Variants in AP3B1 observed in about 807,000 individuals in gnomAD.
The protein encoded by AP3B1 is AP-3 complex subunit beta-1.
AP3B1 carries 61 observed loss-of-function variants against 132.5 expected under a neutral mutation model. That is an observed-to-expected ratio of 0.46 (90% CI 0.37 to 0.57). AP3B1 has a LOEUF of 0.57. Among genes scored for constraint, AP3B1 ranks in the 20% least tolerant of loss-of-function variants. AP3B1 has a pLI of 0.00. For missense variants in AP3B1, 1,120 were observed against 1,289.4 expected, an observed-to-expected ratio of 0.87 and a Z score of 2.01; for synonymous variants, 388 against 438.3, an observed-to-expected ratio of 0.89 and a Z score of 1.43.
At chr5:78,078,873 C>A (rs752311326) in intron 22 of AP3B1, among the ~76,000 whole-genome samples, 1 of 152,206 alleles carries the variant, frequency 6.6e-6, no homozygotes, top group Non-Finnish European at 1.5e-5. Context: ...TTTCAGTCTG[C>A]ATGTATGTTA....
In AP3B1 at chr5:78,179,209, G is replaced by T. The variant is rs1448613468; in HGVS notation, c.943-1773C>A. Among the ~76,000 whole-genome samples the T allele has an allele frequency of 2.6e-5, 4 of 152,252 alleles. No individual in the cohort carries two copies. In the East Asian group the frequency reaches 7.7e-4, roughly 29 times the overall value. On this transcript the variant is annotated intron_variant, in intron 8 of 26. Coordinates refer to ENST00000255194, the MANE Select transcript of AP3B1 (RefSeq NM_003664.5). ...ACCTGGCTAATAAGTATTAGTAAATGATAGAAAAGAAAGCTGAATCTTAAT... is the reference window on the plus strand; with the variant it reads ...ACCTGGCTAATAAGTATTAGTAAATTATAGAAAAGAAAGCTGAATCTTAAT...
intron 19 of AP3B1, among the ~76,000 whole-genome samples, chr5:78,112,382 T>G (rs1751632275): frequency 6.6e-6 from 1 of 152,220 alleles, no homozygotes. Flanking sequence ...AATATAAGGT[T>G]TAGAATGTAT....
chr5:78,162,338 A>G (rs1050441323), intron 13 of AP3B1, among the ~76,000 whole-genome samples: 4 of 152,164 alleles, frequency 2.6e-5, no homozygotes, highest in Admixed American at 2.6e-4. Flanking sequence ...TGGCTTTTAA[A>G]TCTAGTTAAT....
chr5:78,200,300 T>C (rs1745239964), intron 7 of AP3B1, among the ~76,000 whole-genome samples: 1 of 152,082 alleles, frequency 6.6e-6, no homozygotes, highest in Non-Finnish European at 1.5e-5. Flanking sequence ...CCTTGATTTT[T>C]GATTTTTTTC....
intron 22 of AP3B1, 139 bp from the exon 23 acceptor site, chr5:78,039,413 A>T: frequency 7.1e-6 from 5 of 708,482 alleles, no homozygotes; most frequent in Non-Finnish European, 1.2e-5. Flanking sequence ...CATTAGTAGG[A>T]TATCACACAC....
chr5:78,089,534 G>T, intron 21 of AP3B1, 35 bp from the exon 22 acceptor site: 1 of 1,332,532 alleles, frequency 7.5e-7, no homozygotes, highest in South Asian at 1.2e-5. Flanking sequence ...AAATGTGCAT[G>T]AACGTTTAAT....
chr5:78,113,629 A>T, intron 19 of AP3B1, 123 bp downstream of exon 19: 1 of 1,089,716 alleles, frequency 9.2e-7, no homozygotes, highest in Non-Finnish European at 1.3e-6. Flanking sequence ...AAAAAGATTT[A>T]ATATCTGGAA....
intron 6 of AP3B1, among the ~76,000 whole-genome samples, chr5:78,220,972 T>C (rs1389393464): frequency 6.6e-6 from 1 of 152,054 alleles, no homozygotes; most frequent in Non-Finnish European, 1.5e-5. Context: ...TTGCTTGTGC[T>C]GGGGAGGTCG....
intron 22 of AP3B1, among the ~76,000 whole-genome samples, chr5:78,059,976 C>T (rs1748974225): frequency 6.6e-6 from 1 of 151,434 alleles, no homozygotes; most frequent in Non-Finnish European, 1.5e-5. Context: ...AGACATGTTT[C>T]AATGGGGAAA....
At chr5:78,165,723 T>C in intron 11 of AP3B1, 51 bp from the exon 12 acceptor site, 1 of 1,227,856 alleles carries the variant, frequency 8.1e-7, no homozygotes, top group Non-Finnish European at 1.2e-6. Flanking sequence ...GGTAGCAAGA[T>C]GAATTTAATA....
intron 11 of AP3B1, among the ~76,000 whole-genome samples, chr5:78,174,214 C>A (rs542426788): frequency 9.9e-5 from 15 of 152,162 alleles, no homozygotes; most frequent in Non-Finnish European, 2.1e-4. Flanking sequence ...CTCCATCCAG[C>A]GTTGTTCTGT....
chr5:78,024,696 C>A (rs1747259585), intron 24 of AP3B1, among the ~76,000 whole-genome samples: 1 of 151,298 alleles, frequency 6.6e-6, no homozygotes, highest in African/African-American at 2.4e-5. Flanking sequence ...TCCCTAGTAG[C>A]CGGGATTACA....
intron 24 of AP3B1, among the ~76,000 whole-genome samples, chr5:78,022,580 A>AT (rs1747150309): frequency 6.6e-6 from 1 of 152,142 alleles, no homozygotes; most frequent in African/African-American, 2.4e-5. Context: ...AAGTGTCCTG[A>AT]TATGTGTGAT....
intron 22 of AP3B1, among the ~76,000 whole-genome samples, chr5:78,072,712 CTTTTTTTTTT>C (rs34203981): frequency 5.9e-5 from 4 of 68,288 alleles, no homozygotes; most frequent in Non-Finnish European, 9.7e-5. Context: ...CTGATATATT[CTTTTTTTTTT>C]TTTTTTTTTT....
intron 7 of AP3B1, among the ~76,000 whole-genome samples, chr5:78,185,133 G>A (rs1423172334): frequency 1.3e-5 from 2 of 152,154 alleles, no homozygotes; most frequent in Non-Finnish European, 2.9e-5. Flanking sequence ...CAGGAATGAA[G>A]GGGGAGAAAA....
chr5:78,174,315 T>C (rs1744052213), intron 11 of AP3B1, among the ~76,000 whole-genome samples: 1 of 152,234 alleles, frequency 6.6e-6, no homozygotes, highest in Non-Finnish European at 1.5e-5. Flanking sequence ...TCCCTATCTT[T>C]GTGGTTTTAT....
At chr5:78,158,703 CT>C (rs1185304978) in intron 13 of AP3B1, among the ~76,000 whole-genome samples, 182 of 143,928 alleles carry the variant, frequency 1.3e-3, no homozygotes, top group Admixed American at 1.3e-3. Context: ...GGTATTACTT[CT>C]TTTTTTTTTT....
At chr5:78,124,083 C>T (rs1281532486) in intron 17 of AP3B1, among the ~76,000 whole-genome samples, 1 of 152,106 alleles carries the variant, frequency 6.6e-6, no homozygotes, top group Non-Finnish European at 1.5e-5. Flanking sequence ...TCATTCTCAG[C>T]AAACTATCAC....
At chr5:78,137,211 T>C (rs1453876321) in intron 15 of AP3B1, among the ~76,000 whole-genome samples, 1 of 152,188 alleles carries the variant, frequency 6.6e-6, no homozygotes, top group Non-Finnish European at 1.5e-5. Context: ...GGATTTTCAT[T>C]TGTTTTAGCA....
Sources: gnomAD v4.1 joint callset for allele counts (sites outside exome capture counted in the v4.1 genomes callset) on GRCh38, gnomAD v4.1.1 for gene constraint, MANE v1.5 for transcripts, NCBI Gene and HGNC (gene_info 2026-07-23, HGNC 2026-07-21) for gene names.